DMD: variants seen among roughly 807,000 people sequenced by gnomAD.
The protein encoded by DMD is dystrophin, also known as mutant dystrophin.
DMD carries 63 observed loss-of-function variants against 330.1 expected under a neutral mutation model. The ratio of observed to expected loss-of-function variants is 0.19; its 90% CI spans 0.16 to 0.24. The LOEUF is 0.24. Among genes scored for constraint, DMD ranks in the 10% least tolerant of loss-of-function variants. The pLI is 1.00. For missense variants in DMD, 3,344 were observed against 2,684.1 expected (o/e 1.25, Z -5.43); for synonymous variants, 1,223 against 959.8 (o/e 1.27, Z -5.07).
chrX:32,528,787 C>G (rs769910651), intron 17 of DMD, among the ~76,000 whole-genome samples: 1 of 111,027 alleles, frequency 9.0e-6, no homozygotes, highest in South Asian at 3.8e-4. Context: ...CTATTGATCC[C>G]AGGTCTTTAG....
At chrX:32,335,590 T>C (rs1410613681) in intron 41 of DMD, among the ~76,000 whole-genome samples, 3 of 28,386 alleles carry the variant, frequency 1.1e-4, no homozygotes, top group African/African-American at 2.3e-4. Context: ...AACATGTGTA[T>C]GTTATATATA....
intron 1 of DMD, among the ~76,000 whole-genome samples, chrX:33,096,834 G>A (rs1452271606): frequency 3.6e-5 from 4 of 112,501 alleles, no homozygotes; most frequent in African/African-American, 1.3e-4. Context: ...TAGGTCAAAG[G>A]GAAAGTTTAC....
chrX:32,643,511 C>A (rs1309336811), intron 11 of DMD, among the ~76,000 whole-genome samples: 1 of 111,067 alleles, frequency 9.0e-6, no homozygotes, highest in African/African-American at 3.3e-5. Context: ...ACACACCTAA[C>A]AATATAAATC....
intron 40 of DMD, 93 bp from the exon 41 acceptor site, chrX:32,342,375 G>T: frequency 1.0e-6 from 1 of 966,890 alleles, no homozygotes; most frequent in Non-Finnish European, 1.4e-6. Context: ...AATTTCAAAG[G>T]CTGTTGTCCC....
At chrX:31,344,806 G>A (rs1384922921) in intron 61 of DMD, among the ~76,000 whole-genome samples, 1 of 110,175 alleles carries the variant, frequency 9.1e-6, no homozygotes, top group African/African-American at 3.3e-5. Flanking sequence ...AGCTGAGATT[G>A]CACTCTGTCT....
intron 56 of DMD, among the ~76,000 whole-genome samples, chrX:31,503,827 G>A (rs376259211): frequency 1.7e-4 from 19 of 110,479 alleles, no homozygotes; most frequent in East Asian, 1.7e-3. Context: ...CTATGTTGGG[G>A]AGTAACAGAA....
intron 2 of DMD, among the ~76,000 whole-genome samples, chrX:32,883,838 A>AAG (rs1275127641): frequency 3.8e-5 from 4 of 104,610 alleles, no homozygotes; most frequent in Non-Finnish European, 5.8e-5. Context: ...AAAAAAAAAA[A>AAG]AAAAAAAAAA....
chrX:32,712,968 CT>C (rs1348766845), intron 7 of DMD, among the ~76,000 whole-genome samples: 3 of 111,168 alleles, frequency 2.7e-5, no homozygotes, highest in Non-Finnish European at 5.7e-5. Flanking sequence ...CAGTTGAAGG[CT>C]TTATTAGCTA....
intron 1 of DMD, among the ~76,000 whole-genome samples, chrX:33,271,577 G>A (rs2053154867): frequency 9.1e-6 from 1 of 109,734 alleles, no homozygotes; most frequent in African/African-American, 3.3e-5. Flanking sequence ...GACCAGCCTG[G>A]CCAACATGGT....
At chrX:31,818,794 C>T (rs755079995) in intron 50 of DMD, among the ~76,000 whole-genome samples, 1 of 109,982 alleles carries the variant, frequency 9.1e-6, no homozygotes, top group Non-Finnish European at 1.9e-5. Flanking sequence ...AAATCTAACT[C>T]TGATGACTGC....
chrX:32,081,006 G>A (rs1422604904), intron 44 of DMD, among the ~76,000 whole-genome samples: 1 of 112,011 alleles, frequency 8.9e-6, no homozygotes, highest in African/African-American at 3.3e-5. Flanking sequence ...ATTGACCCAC[G>A]TCTTGACAAA....
intron 44 of DMD, among the ~76,000 whole-genome samples, chrX:32,082,369 C>G (rs1392644639): frequency 9.3e-6 from 1 of 107,767 alleles, no homozygotes; most frequent in Non-Finnish European, 1.9e-5. Context: ...GCTGGGGCTA[C>G]AGGGGCACAC....
At position 31,726,670 on chromosome X, in the gene DMD, A is replaced by T. The variant is rs531470401; in HGVS notation, c.7660+2961T>A. On this transcript the variant is annotated intron_variant, in intron 52 of 78. Coordinates refer to ENST00000357033, the MANE Select transcript of DMD (RefSeq NM_004006.3). Reference sequence around the variant, plus strand: ...AGATTTCAAAGGGAGAGATAAACTGAAGTGTAGCAGGGCTGCAAATGACAT... The same window carrying T: ...AGATTTCAAAGGGAGAGATAAACTGTAGTGTAGCAGGGCTGCAAATGACAT... 9.8e-5 allele frequency among the ~76,000 whole-genome samples: 11 copies of T among 112,067 alleles called. No individual in the cohort carries two copies. In the South Asian group the frequency reaches 4.1e-3, roughly 41 times the overall value.
chrX:32,701,125 G>A (rs1017923238), intron 7 of DMD, among the ~76,000 whole-genome samples: 1 of 111,854 alleles, frequency 8.9e-6, no homozygotes, highest in Non-Finnish European at 1.9e-5. Context: ...AATAGATCGG[G>A]GTAGAGCCTG....
chrX:32,352,478 T>A (rs963438877), intron 37 of DMD, among the ~76,000 whole-genome samples: 1 of 111,060 alleles, frequency 9.0e-6, no homozygotes, highest in Non-Finnish European at 1.9e-5. Context: ...TTACATTTTA[T>A]ATTCTCTTCA....
chrX:32,358,985 T>C (rs966904829), intron 37 of DMD, among the ~76,000 whole-genome samples: 6 of 111,997 alleles, frequency 5.4e-5, no homozygotes, highest in Non-Finnish European at 1.1e-4. Flanking sequence ...TCTCCCTTAT[T>C]TTGTAGCTAG....
intron 11 of DMD, among the ~76,000 whole-genome samples, chrX:32,622,641 A>G (rs1229226133): frequency 8.9e-6 from 1 of 111,969 alleles, no homozygotes; most frequent in African/African-American, 3.2e-5. Flanking sequence ...TATACTTCAT[A>G]TACAAAGTAT....
chrX:31,952,139 T>G (rs6631438), intron 45 of DMD, among the ~76,000 whole-genome samples: 17,254 of 110,483 alleles, frequency 0.16, 1,056 homozygotes, highest in African/African-American at 0.22. Flanking sequence ...CCCATTTGTC[T>G]TTCAATAATT....
intron 2 of DMD, among the ~76,000 whole-genome samples, chrX:33,006,611 A>G (rs2093401643): frequency 1.8e-5 from 2 of 111,558 alleles, no homozygotes; most frequent in Non-Finnish European, 3.8e-5. Context: ...AGTTACTGCT[A>G]CTGGATTTAC....
Sources: allele counts gnomAD v4.1 joint callset (sites outside exome capture counted in the v4.1 genomes callset), GRCh38; gene constraint gnomAD v4.1.1; transcripts MANE v1.5; gene names NCBI Gene and HGNC (gene_info 2026-07-23, HGNC 2026-07-21).